The following CDKL1 variants were observed in gnomAD, a reference collection of about 807,000 sequenced individuals.
The protein encoded by CDKL1 is cyclin-dependent kinase-like 1.
Under a neutral mutation model 42.0 loss-of-function variants are expected in CDKL1, and 41 were observed. That is an observed-to-expected ratio of 0.98 (90% CI 0.76 to 1.27). The LOEUF (loss-of-function observed/expected upper bound fraction) is 1.27, where lower values mean the gene tolerates loss of function less well. Among genes scored for constraint, CDKL1 ranks in the 50% most tolerant of loss-of-function variants. The pLI, the probability that CDKL1 is intolerant of heterozygous loss-of-function variation, is 0.00. For missense variants in CDKL1, 394 were observed against 428.4 expected (o/e 0.92, Z 0.71); for synonymous variants, 153 against 158.6 (o/e 0.96, Z 0.26).
intron 6 of CDKL1, among the ~76,000 whole-genome samples, chr14:50,339,366 T>A (rs570312098): frequency 5.9e-5 from 9 of 152,254 alleles, no homozygotes; most frequent in Non-Finnish European, 1.3e-4. Flanking sequence ...TAATGCCTTT[T>A]AAAAAACAGC....
chr14:50,396,714 G>A (rs2035420867), intron 1 of CDKL1, 110 bp downstream of exon 1: 1 of 155,838 alleles, frequency 6.4e-6, no homozygotes, highest in Non-Finnish European at 1.4e-5. Context: ...CCCGGGACTG[G>A]GAAAACCCTC....
At chr14:50,382,929 TG>T (rs966707404) in intron 2 of CDKL1, among the ~76,000 whole-genome samples, 2 of 55,868 alleles carry the variant, frequency 3.6e-5, no homozygotes, top group East Asian at 3.5e-4. Flanking sequence ...TACAGTTTTT[TG>T]TTTTTTTTTT....
At chr14:50,352,637 A>G (rs765572189) in intron 3 of CDKL1, among the ~76,000 whole-genome samples, 4 of 152,194 alleles carry the variant, frequency 2.6e-5, no homozygotes, top group Non-Finnish European at 5.9e-5. Flanking sequence ...AAAGAATATT[A>G]AGCGAAGAAT....
chr14:50,396,250 T>C lies in CDKL1; in HGVS notation c.-382A>G. 9.7e-7 allele frequency: 1 copy of C among 1,025,656 alleles called. No homozygotes were observed. Among genetic ancestry groups the C allele is most frequent in the Non-Finnish European group, 1.2e-6 (1 of 856,996 alleles). 63.5% of individuals were successfully genotyped at this position (1,025,656 alleles called of 1,614,324 possible). ...AAGAAAAGAAAGGATCTTCACATAG[T>C]TTGAAAACGTCGCTTATAAAATATT... On this transcript the variant is annotated 5_prime_UTR_variant, in exon 2 of 10. Transcript: ENST00000395834.
intron 3 of CDKL1, among the ~76,000 whole-genome samples, chr14:50,346,655 T>TTTTG (rs1566582851): frequency 1.6e-5 from 2 of 126,372 alleles, no homozygotes; most frequent in Non-Finnish European, 1.7e-5. Context: ...ATTTTTGGTT[T>TTTTG]TTTTTTTTTT....
At position 50,395,882 on chromosome 14, in the gene CDKL1, ATCT is replaced by A. The variant is rs973963518; in HGVS notation, c.-17_-15del. ...ATACTTCTCCATCATAGAGGAATAA[ATCT>A]TCTTAAAATGGATCTTCAGCCGAGA... On this transcript the variant is annotated 5_prime_UTR_variant, in exon 2 of 10. Transcript: ENST00000395834. 1.2e-6 allele frequency: 2 copies of A among 1,610,882 alleles called. No homozygotes were observed. Among genetic ancestry groups the A allele is most frequent in the South Asian group, 1.1e-5 (1 of 91,004 alleles).
intron 9 of CDKL1, chr14:50,330,456 A>G (rs2032873963): frequency 6.2e-6 from 2 of 320,210 alleles, no homozygotes; most frequent in African/African-American, 2.2e-5. Context: ...GGAAGAAAAC[A>G]TAGATTTACA....
At position 50,382,326 on chromosome 14, in the gene CDKL1, G is replaced by A. The variant is rs548319887; in HGVS notation, c.168+13375C>T. 7.9e-5 allele frequency among the ~76,000 whole-genome samples: 12 copies of A among 152,204 alleles called. No individual in the cohort carries two copies. In the East Asian group the frequency reaches 1.2e-3, roughly 15 times the overall value. On this transcript the variant is annotated intron_variant, in intron 2 of 9. Coordinates refer to ENST00000395834, the MANE Select transcript of CDKL1 (RefSeq NM_004196.7). ...AAATTAGCCAGGCGTGGTAGCGGGCGCCTGTAGTCCCAGCCACTCGGGAGG... is the reference window on the plus strand; with the variant it reads ...AAATTAGCCAGGCGTGGTAGCGGGCACCTGTAGTCCCAGCCACTCGGGAGG...
At chr14:50,396,609 A>C in intron 1 of CDKL1, 3 of 297,150 alleles carry the variant, frequency 1.0e-5, no homozygotes, top group Non-Finnish European at 1.5e-5. Context: ...TTCGGGTCTC[A>C]TTTCCCTGCG....
intron 4 of CDKL1, among the ~76,000 whole-genome samples, 199 bp downstream of exon 4, chr14:50,344,787 C>T (rs1235432488): frequency 6.6e-6 from 1 of 152,074 alleles, no homozygotes; most frequent in Non-Finnish European, 1.5e-5. Flanking sequence ...TTCTTAAAAT[C>T]ATAAAAATGC....
Position 50,341,039 on chromosome 14 carries a change from C to A in CDKL1, c.648G>T (p.Lys216Asn). 6.2e-7 allele frequency: 1 copy of A among 1,612,814 alleles called. No homozygotes were observed. The highest frequency in any genetic ancestry group is 1.1e-5 in the South Asian group (1 of 91,074). The change falls in exon 6 of 10, where the codon AAG (lysine) becomes AAT (asparagine). Residue 216 changes from lysine (K) to asparagine (N), a missense_variant. Transcript: ENST00000395834. Reference protein sequence around the residue: ...SDVDQLYLIRKTLGDLIPRHQ... With the variant: ...SDVDQLYLIRNTLGDLIPRHQ... ...GACAAAAACACCACTTACCCAAGGT[C>A]TTCCTAATCAGATACAGCTGATCCA... is the stretch of plus-strand genomic sequence containing the variant.
chr14:50,342,152 A>G lies in CDKL1; in HGVS notation c.434T>C (p.Phe145Ser). ...TKHSVIKLCD[F>S]GFARLLTGPS... ...CTCACTCAAAAGCCGAGCAAATCCA[A>G]AGTCACAAAGCTTAATCACGGAATG... is the stretch of plus-strand genomic sequence containing the variant. The change falls in exon 5 of 10, where the codon TTT becomes TCT. Residue 145 changes from phenylalanine (F) to serine (S), a missense_variant. Physicochemically the swap from Phe to Ser is radical, Grantham distance 155. Transcript: ENST00000395834. 1 of 1,614,102 alleles carries G rather than the reference A, an allele frequency of 6.2e-7. No individual in the cohort carries two copies.
chr14:50,350,732 A>T (rs571450746), intron 3 of CDKL1, among the ~76,000 whole-genome samples: 11 of 152,204 alleles, frequency 7.2e-5, no homozygotes, highest in African/African-American at 2.2e-4. Context: ...TCAAGCAAGG[A>T]TCCTCCCTTT....
At chr14:50,362,201 G>C (rs748806029) in intron 2 of CDKL1, 10 of 247,168 alleles carry the variant, frequency 4.0e-5, no homozygotes, top group South Asian at 6.0e-5. Flanking sequence ...GCTCCTGCGC[G>C]GCCGAGCCTC....
At chr14:50,331,933 G>T in intron 9 of CDKL1, 1 of 1,137,978 alleles carries the variant, frequency 8.8e-7, no homozygotes, top group East Asian at 2.6e-5. Flanking sequence ...AACTGCATGG[G>T]GAAAATCTGA....
chr14:50,341,544 C>T (rs2033539247), intron 5 of CDKL1, among the ~76,000 whole-genome samples: 1 of 150,520 alleles, frequency 6.6e-6, no homozygotes, highest in African/African-American at 2.4e-5. Flanking sequence ...TTTGGGAGGC[C>T]GAGGTAGGTG....
intron 2 of CDKL1, chr14:50,380,173 G>A: frequency 1.9e-6 from 1 of 531,910 alleles, no homozygotes; most frequent in South Asian, 1.4e-5. Context: ...ACAAGCTCCT[G>A]AAACTGCTCT....
chr14:50,396,968 C>T, upstream of CDKL1: 1 of 708,744 alleles, frequency 1.4e-6, no homozygotes, highest in South Asian at 2.1e-5. Context: ...CCCCAGCTTC[C>T]CACCCCCGGC....
intron 4 of CDKL1, among the ~76,000 whole-genome samples, chr14:50,344,464 T>C (rs1159295026): frequency 8.6e-6 from 1 of 116,550 alleles, no homozygotes; most frequent in East Asian, 2.8e-4. Flanking sequence ...TTTTGTTCTT[T>C]GTGGTTTTTT....
Sources: allele counts gnomAD v4.1 joint callset (sites outside exome capture counted in the v4.1 genomes callset), GRCh38; gene constraint gnomAD v4.1.1; transcripts MANE v1.5; gene names NCBI Gene and HGNC (gene_info 2026-07-23, HGNC 2026-07-21).